The following BTG4 variants were observed in gnomAD, a reference collection of about 807,000 sequenced individuals.
The protein encoded by BTG4 is protein BTG4.
BTG4 carries 10 observed loss-of-function variants against 19.3 expected under a neutral mutation model. The ratio of observed to expected loss-of-function variants is 0.52; its 90% CI spans 0.32 to 0.88. The LOEUF (loss-of-function observed/expected upper bound fraction) is 0.88, where lower values mean the gene tolerates loss of function less well. BTG4 is among the 40% of genes least tolerant of loss of function. BTG4 has a pLI of 0.04. For synonymous variants in BTG4, 91 were observed against 95.7 expected, an observed-to-expected ratio of 0.95 and a Z score of 0.29; for missense variants, 238 against 281.9, an observed-to-expected ratio of 0.84 and a Z score of 1.11.
intron 4 of BTG4, 77 bp from the exon 5 acceptor site, chr11:111,495,391 G>A: frequency 7.6e-7 from 1 of 1,312,560 alleles, no homozygotes; most frequent in East Asian, 2.4e-5. Flanking sequence ...CAAAAGTCAG[G>A]CACTTCAAAA....
chr11:111,467,067 T>C (rs903333785), downstream of BTG4, among the ~76,000 whole-genome samples: 12 of 152,232 alleles, frequency 7.9e-5, no homozygotes, highest in African/African-American at 2.4e-4. Flanking sequence ...CAATCCAAAG[T>C]CTAATCTCTC....
chr11:111,514,231 C>T (rs1867134217), upstream of BTG4: 1 of 158,096 alleles, frequency 6.3e-6, no homozygotes, highest in African/African-American at 2.4e-5. Context: ...TTAAATCCAG[C>T]TTGTTTCCTA....
At chr11:111,412,279 G>A in the BTG4 span, among the ~76,000 whole-genome samples, 1 of 152,190 alleles carries the variant, frequency 6.6e-6, no homozygotes, top group Non-Finnish European at 1.5e-5. Context: ...AGGTGGGTAG[G>A]ACAAATTCTA....
chr11:111,404,171 C>T, the BTG4 span, among the ~76,000 whole-genome samples: 1 of 152,132 alleles, frequency 6.6e-6, no homozygotes, highest in African/African-American at 2.4e-5. Flanking sequence ...TCTTTTCTTG[C>T]CTGCCACCAT....
the BTG4 span, among the ~76,000 whole-genome samples, chr11:111,384,456 G>A: frequency 6.6e-6 from 1 of 152,024 alleles, no homozygotes; most frequent in Non-Finnish European, 1.5e-5. Flanking sequence ...CTAAGAAAAA[G>A]AATATATTTA....
chr11:111,482,471 G>A (rs1214926665), intron 5 of BTG4, among the ~76,000 whole-genome samples: 2 of 151,998 alleles, frequency 1.3e-5, no homozygotes, highest in Non-Finnish European at 2.9e-5. Flanking sequence ...AAATGTACAT[G>A]GAAAGGGAAA....
the BTG4 span, among the ~76,000 whole-genome samples, chr11:111,413,419 G>A: frequency 6.6e-6 from 1 of 152,254 alleles, no homozygotes; most frequent in Non-Finnish European, 1.5e-5. Context: ...CATGGGCCTT[G>A]GTGAATGCCC....
the BTG4 span, among the ~76,000 whole-genome samples, chr11:111,427,043 T>C: frequency 1.3e-5 from 2 of 152,224 alleles, no homozygotes; most frequent in African/African-American, 2.4e-5. Context: ...CCTAGAATGA[T>C]CTCAGTGACA....
At chr11:111,494,026 T>C (rs569325357), downstream of BTG4, among the ~76,000 whole-genome samples, 15 of 152,238 alleles carry the variant, frequency 9.9e-5, no homozygotes, top group African/African-American at 3.6e-4. Flanking sequence ...ACTGCTCCAA[T>C]GCTACCAGCT....
downstream of BTG4, among the ~76,000 whole-genome samples, chr11:111,493,032 G>A (rs1374724637): frequency 6.6e-6 from 1 of 152,132 alleles, no homozygotes. Flanking sequence ...TGTAGTCCCA[G>A]CTACTCTGGA....
At chr11:111,514,603 A>G (rs1591552403), upstream of BTG4, 15 of 605,318 alleles carry the variant, frequency 2.5e-5, no homozygotes, top group South Asian at 3.0e-4. Context: ...TGGTCCTAAA[A>G]CCTGATCACC....
the BTG4 span, among the ~76,000 whole-genome samples, chr11:111,387,694 A>G: frequency 4.6e-5 from 7 of 152,238 alleles, no homozygotes; most frequent in Non-Finnish European, 7.3e-5. Context: ...AGGACCAGGT[A>G]GCTTTAATTA....
chr11:111,423,500 T>A, the BTG4 span, among the ~76,000 whole-genome samples: 1 of 152,036 alleles, frequency 6.6e-6, no homozygotes, highest in Non-Finnish European at 1.5e-5. Flanking sequence ...CACCAAACCA[T>A]TCAGTTAAGC....
the BTG4 span, among the ~76,000 whole-genome samples, chr11:111,434,039 C>T: frequency 6.6e-6 from 1 of 152,214 alleles, no homozygotes; most frequent in East Asian, 1.9e-4. Flanking sequence ...ACCCAGCCAT[C>T]CCATTACTGG....
the BTG4 span, among the ~76,000 whole-genome samples, chr11:111,398,762 G>C: frequency 6.6e-6 from 1 of 152,040 alleles, no homozygotes; most frequent in Non-Finnish European, 1.5e-5. Context: ...TGGTGAGTGA[G>C]ATTCACCTGT....
At chr11:111,425,211 G>A in the BTG4 span, among the ~76,000 whole-genome samples, 3 of 152,176 alleles carry the variant, frequency 2.0e-5, no homozygotes, top group Non-Finnish European at 4.4e-5. Flanking sequence ...TTTTTTAGAA[G>A]CAGTAAGGAT....
the BTG4 span, among the ~76,000 whole-genome samples, chr11:111,420,161 G>A: frequency 2.6e-5 from 4 of 152,212 alleles, no homozygotes; most frequent in Non-Finnish European, 4.4e-5. Flanking sequence ...AGCTGCCCCT[G>A]AATCCAAGTC....
intron 5 of BTG4, chr11:111,469,380 T>A (rs1863920671): frequency 6.6e-6 from 1 of 152,276 alleles, no homozygotes; most frequent in African/African-American, 2.4e-5. Flanking sequence ...TTGCTTCTCT[T>A]TCTCTGTGAC....
intron 5 of BTG4, among the ~76,000 whole-genome samples, chr11:111,481,742 G>C (rs1864755111): frequency 6.6e-6 from 1 of 151,738 alleles, no homozygotes; most frequent in Non-Finnish European, 1.5e-5. Flanking sequence ...TATATAAATG[G>C]ATGCAGAAAA....
Sources: allele counts gnomAD v4.1 joint callset (sites outside exome capture counted in the v4.1 genomes callset), GRCh38; gene constraint gnomAD v4.1.1; transcripts MANE v1.5; gene names NCBI Gene and HGNC (gene_info 2026-07-23, HGNC 2026-07-21).